Variants in LRRC59 observed in about 807,000 individuals in gnomAD.
The protein encoded by LRRC59 is leucine rich repeat containing 59.
LRRC59 carries 18 observed loss-of-function variants against 33.5 expected under a neutral mutation model. That is an observed-to-expected ratio of 0.54 (90% CI 0.37 to 0.80). The LOEUF (loss-of-function observed/expected upper bound fraction) is 0.80, where lower values mean the gene tolerates loss of function less well. Ranked by LOEUF, LRRC59 falls within the 30% of genes least tolerant of loss-of-function variation. The pLI is 0.00. For synonymous variants in LRRC59, 138 were observed against 160.0 expected (o/e 0.86, Z 1.04); for missense variants, 330 against 391.9 (o/e 0.84, Z 1.33).
chr17:50,385,372 G>T, intron 5 of LRRC59, 81 bp from the exon 6 acceptor site: 1 of 1,429,014 alleles, frequency 7.0e-7, no homozygotes, highest in Non-Finnish European at 9.6e-7. Context: ...TAAAAGTACA[G>T]ATTCTGCCAC....
chr17:50,385,023 G>T, intron 6 of LRRC59, 95 bp downstream of exon 6: 1 of 1,390,724 alleles, frequency 7.2e-7, no homozygotes, highest in Non-Finnish European at 9.8e-7. Flanking sequence ...TTTATCTAAG[G>T]TTTGCAGGCC....
At chr17:50,383,339 C>A in intron 6 of LRRC59, 104 bp from the exon 7 acceptor site, 1 of 1,399,790 alleles carries the variant, frequency 7.1e-7, no homozygotes, top group Middle Eastern at 2.4e-4. Context: ...ACATTCCTTC[C>A]TCAAGCAAAA....
At chr17:50,389,609 A>C (rs1914092942) in intron 4 of LRRC59, among the ~76,000 whole-genome samples, 3 of 152,220 alleles carry the variant, frequency 2.0e-5, no homozygotes, top group Non-Finnish European at 1.5e-5. Flanking sequence ...GAAAACCCAA[A>C]CTATTAGCAA....
chr17:50,383,273 C>T (rs1458267430), intron 6 of LRRC59, 38 bp from the exon 7 acceptor site: 1 of 1,541,326 alleles, frequency 6.5e-7, no homozygotes, highest in African/African-American at 1.4e-5. Flanking sequence ...CAAGTTCAGT[C>T]AGAGGAGACC....
At position 50,383,383 on chromosome 17, in the gene LRRC59, A is replaced by G. The variant is rs1913919115; in HGVS notation, c.677-148T>C. The G allele has an allele frequency of 2.8e-5, 28 of 1,008,314 alleles. No individual in the cohort carries two copies. The South Asian group carries it at 4.5e-4, about 16-fold the overall frequency. 62.5% of individuals were successfully genotyped at this position (1,008,314 alleles called of 1,614,324 possible). A position where few individuals can be genotyped will look rare whatever the true frequency, so the allele number is the denominator to read the frequency against. Reference sequence around the variant, plus strand: ...GGCCCTGAAGAGAAAAAATGTCTCCACAGACCGAAACAGAAACAACTTTTC... The same window carrying G: ...GGCCCTGAAGAGAAAAAATGTCTCCGCAGACCGAAACAGAAACAACTTTTC... On this transcript the variant is annotated intron_variant, in intron 6 of 6. Transcript: ENST00000225972.
Position 50,381,240 on chromosome 17 carries a change from C to T in LRRC59, c.*1748G>A. The T allele has an allele frequency of 3.0e-6, 1 of 329,720 alleles. No individual in the cohort carries two copies. The highest frequency in any genetic ancestry group is 5.6e-6 in the Non-Finnish European group (1 of 177,972). 20.4% of individuals were successfully genotyped at this position (329,720 alleles called of 1,614,324 possible). A position where few individuals can be genotyped will look rare whatever the true frequency, so the allele number is the denominator to read the frequency against. On this transcript the variant is annotated 3_prime_UTR_variant, in exon 7 of 7. Coordinates refer to ENST00000225972, the MANE Select transcript of LRRC59 (RefSeq NM_018509.4). ...AAAACACAAAGGAACAAAGACAGTC[C>T]ACTCAGACACTTATTTAATAACTGT...
intron 5 of LRRC59, chr17:50,386,129 TG>T (rs1412472177): frequency 1.8e-4 from 18 of 100,314 alleles, no homozygotes; most frequent in African/African-American, 5.3e-4. Context: ...ACTACTGCAC[TG>T]ACTATTTTTT....
Position 50,385,151 on chromosome 17 carries a change from TCTC to T in LRRC59, c.640_642del (p.Glu214del). The T allele has an allele frequency of 6.2e-7, 1 of 1,614,132 alleles. No individual in the cohort carries two copies. The highest frequency in any genetic ancestry group is 8.5e-7 in the Non-Finnish European group (1 of 1,180,034). ...TGATTTGCTTCCTTCTTAGGTTTCT[TCTC>T]CTGCTCCCGCTTGGCTGCTTTGAGG... On this transcript the variant is annotated inframe_deletion, in exon 6 of 7. Coordinates refer to ENST00000225972, the MANE Select transcript of LRRC59 (RefSeq NM_018509.4).
At position 50,388,244 on chromosome 17, in the gene LRRC59, C is replaced by G. The variant is rs1219919921; in HGVS notation, c.430-112G>C. Reference sequence around the variant, plus strand: ...AGATTATCATGGTAGCAATGTAGAACTAATAAGAGTTAGGCTGAATGTGGT... The same window carrying G: ...AGATTATCATGGTAGCAATGTAGAAGTAATAAGAGTTAGGCTGAATGTGGT... On this transcript the variant is annotated intron_variant, in intron 4 of 6. Coordinates refer to ENST00000225972, the MANE Select transcript of LRRC59 (RefSeq NM_018509.4). The G allele has an allele frequency of 4.0e-6, 4 of 992,262 alleles. No individual in the cohort carries two copies. The East Asian group carries it at 9.7e-5, about 24-fold the overall frequency. 61.5% of individuals were successfully genotyped at this position (992,262 alleles called of 1,614,324 possible). A position where few individuals can be genotyped will look rare whatever the true frequency, so the allele number is the denominator to read the frequency against.
rs1230205535 is a variant in LRRC59, at chr17:50,397,481, C to G, written c.-164G>C. 3.8e-6 allele frequency: 2 copies of G among 523,676 alleles called. No individual in the cohort carries two copies. Among genetic ancestry groups the G allele is most frequent in the African/African-American group, 2.0e-5 (1 of 49,524 alleles). 32.4% of individuals were successfully genotyped at this position (523,676 alleles called of 1,614,324 possible). A position where few individuals can be genotyped will look rare whatever the true frequency, so the allele number is the denominator to read the frequency against. On this transcript the variant is annotated 5_prime_UTR_variant, in exon 1 of 7. Transcript: ENST00000225972. ...CGCCCGCTGGCCGCACTCCGAGCCT[C>G]GCGCCTAGCTCCCACCGGTGCCGCG...
chr17:50,391,734 C>T (rs1914148799), intron 4 of LRRC59, among the ~76,000 whole-genome samples: 1 of 152,184 alleles, frequency 6.6e-6, no homozygotes, highest in South Asian at 2.1e-4. Flanking sequence ...CCTTTATCAT[C>T]GCTTTTATTA....
chr17:50,397,482 G>C lies in LRRC59; in HGVS notation c.-165C>G, dbSNP rs937871839. 1.9e-6 allele frequency: 1 copy of C among 524,502 alleles called. No homozygotes were observed. The highest frequency in any genetic ancestry group is 2.0e-5 in the African/African-American group (1 of 49,500). The allele number at this position is 524,502 out of a possible 1,614,324, so 32.5% of individuals were successfully genotyped here. On this transcript the variant is annotated 5_prime_UTR_variant, in exon 1 of 7. Transcript: ENST00000225972. ...GCCCGCTGGCCGCACTCCGAGCCTC[G>C]CGCCTAGCTCCCACCGGTGCCGCGA...
In LRRC59 at chr17:50,381,986, C is replaced by G. The variant is rs1913864361; in HGVS notation, c.*1002G>C. ...CTTCAAAACCTGCAGAAGCAGGTTG[C>G]CTTTGAGGTATTTAGTCACACCAAG... On this transcript the variant is annotated 3_prime_UTR_variant, in exon 7 of 7. Coordinates refer to ENST00000225972, the MANE Select transcript of LRRC59 (RefSeq NM_018509.4). The G allele has an allele frequency of 6.6e-6, 1 of 152,618 alleles. No individual in the cohort carries two copies. The highest frequency in any genetic ancestry group is 2.4e-5 in the African/African-American group (1 of 41,414). 9.5% of individuals were successfully genotyped at this position (152,618 alleles called of 1,614,324 possible). A position where few individuals can be genotyped will look rare whatever the true frequency, so the allele number is the denominator to read the frequency against.
chr17:50,388,309 T>C (rs1053776196), intron 4 of LRRC59, among the ~76,000 whole-genome samples, 177 bp from the exon 5 acceptor site: 11 of 152,164 alleles, frequency 7.2e-5, no homozygotes, highest in Non-Finnish European at 1.2e-4. Context: ...GAAGCCGAGA[T>C]AGAAGGACTG....
rs1913970377 is a variant in LRRC59 at position 50,385,106 on chromosome 17, C to T, written c.676+12G>A. 1.9e-6 allele frequency: 3 copies of T among 1,611,696 alleles called. No homozygotes were observed. Among genetic ancestry groups the T allele is most frequent in the Admixed American group, 1.7e-5 (1 of 59,918 alleles). ...ACCCCTGCTGGAATCTTACAACAGG[C>T]AGAAAACTTACTCGGGGCCTGATTT... On this transcript the variant is annotated intron_variant, in intron 6 of 6. Coordinates refer to ENST00000225972, the MANE Select transcript of LRRC59 (RefSeq NM_018509.4).
At position 50,383,013 on chromosome 17, in the gene LRRC59, A is replaced by G; in HGVS notation, c.899T>C (p.Val300Ala). Residue 300 changes from valine (V) to alanine (A), a missense_variant, in exon 7 of 7, where the codon GTC becomes GCC. Transcript: ENST00000225972. ...GLRRHEILQWVLQTDSQQ is the reference protein window; with the variant it reads ...GLRRHEILQWALQTDSQQ The stretch of plus-strand genomic sequence containing the variant: ...TCACTGCTGAGAGTCGGTCTGGAGG[A>G]CCCACTGGAGGATCTCATGGCGGCG... 6.2e-7 allele frequency: 1 copy of G among 1,612,912 alleles called. No homozygotes were observed. Among genetic ancestry groups the G allele is most frequent in the African/African-American group, 1.3e-5 (1 of 74,982 alleles).
At position 50,388,112 on chromosome 17, in the gene LRRC59, G is replaced by T. The variant is rs753878364; in HGVS notation, c.450C>A (p.Ala150=). 6.2e-7 allele frequency: 1 copy of T among 1,614,178 alleles called. No individual in the cohort carries two copies. Residue 150 remains alanine (A), a synonymous_variant, in exon 5 of 7, where the codon GCC becomes GCA. Coordinates refer to ENST00000225972, the MANE Select transcript of LRRC59 (RefSeq NM_018509.4). ...CANKVLQHMK[A]VQADQERERQ... The stretch of plus-strand genomic sequence containing the variant: ...TCTCCCGCTCCTGATCTGCCTGCAC[G>T]GCCTTCATGTGCTGTAACACCTGCA...
chr17:50,394,871 A>G, intron 2 of LRRC59, 58 bp downstream of exon 2: 1 of 1,164,580 alleles, frequency 8.6e-7, no homozygotes, highest in Non-Finnish European at 1.2e-6. Flanking sequence ...AACCCCCGAA[A>G]CAGGAAGGAG....
chr17:50,390,791 C>CG (rs1279017257), intron 4 of LRRC59, among the ~76,000 whole-genome samples: 1 of 152,240 alleles, frequency 6.6e-6, no homozygotes. Context: ...CTGGCCCAGG[C>CG]CATTTCCCTA....
Sources: gnomAD v4.1 joint callset for allele counts (sites outside exome capture counted in the v4.1 genomes callset) on GRCh38, gnomAD v4.1.1 for gene constraint, MANE v1.5 for transcripts, NCBI Gene and HGNC (gene_info 2026-07-23, HGNC 2026-07-21) for gene names.